Variants in CCDC178 observed in about 807,000 individuals in gnomAD.
CCDC178 encodes coiled-coil domain containing 178.
CCDC178 carries 126 observed loss-of-function variants against 117.4 expected under a neutral mutation model. That is an observed-to-expected ratio of 1.07 (90% CI 0.93 to 1.24). The LOEUF is 1.24. Ranked by LOEUF, CCDC178 falls within the 50% of genes most tolerant of loss-of-function variation. The pLI is 0.00. For synonymous variants in CCDC178, 283 were observed against 313.4 expected (o/e 0.90, Z 1.02); for missense variants, 1,030 against 986.9 (o/e 1.04, Z -0.59).
chr18:32,971,807 C>T (rs967881092), intron 22 of CCDC178, among the ~76,000 whole-genome samples: 7 of 151,994 alleles, frequency 4.6e-5, no homozygotes, highest in African/African-American at 1.4e-4. Flanking sequence ...GTTTGTTAAC[C>T]GCATAAATGT....
intron 4 of CCDC178, among the ~76,000 whole-genome samples, chr18:33,392,079 G>A (rs997361074): frequency 2.6e-5 from 4 of 151,800 alleles, no homozygotes; most frequent in Non-Finnish European, 5.9e-5. Flanking sequence ...TGGCAAGGCT[G>A]GTCTCGAACT....
chr18:32,942,043 G>C (rs761997657), intron 22 of CCDC178, among the ~76,000 whole-genome samples: 71 of 152,056 alleles, frequency 4.7e-4, no homozygotes, highest in Non-Finnish European at 7.2e-4. Flanking sequence ...ATCCCACCCA[G>C]TTGATCACAT....
chr18:33,424,244 T>C (rs924260718), intron 2 of CCDC178, among the ~76,000 whole-genome samples: 9 of 152,244 alleles, frequency 5.9e-5, no homozygotes, highest in African/African-American at 2.2e-4. Flanking sequence ...ACATGTCTTT[T>C]GTAAAGAAGA....
chr18:33,036,022 T>C (rs190298466), intron 21 of CCDC178, among the ~76,000 whole-genome samples: 1 of 152,058 alleles, frequency 6.6e-6, no homozygotes, highest in Admixed American at 6.6e-5. Flanking sequence ...AGCTATTTCT[T>C]GAAAAAATAG....
chr18:32,943,672 A>G (rs2054287886), intron 22 of CCDC178, among the ~76,000 whole-genome samples: 1 of 152,230 alleles, frequency 6.6e-6, no homozygotes, highest in Non-Finnish European at 1.5e-5. Context: ...GTGGCAAAAC[A>G]TGTTGTAAAC....
rs149772658 is a variant in CCDC178 at position 33,313,348 on chromosome 18, A to T, written c.1022+10143T>A. Reference sequence around the variant, plus strand: ...GGGGCTGAGATAATTAAAAGAAATAAAGCTGACCTTATGTCAAAACAGACA... The same window carrying T: ...GGGGCTGAGATAATTAAAAGAAATATAGCTGACCTTATGTCAAAACAGACA... On this transcript the variant is annotated intron_variant, in intron 11 of 22. Transcript: ENST00000383096. 1.4e-3 allele frequency among the ~76,000 whole-genome samples: 209 copies of T among 152,304 alleles called. 1 individual carries two copies. The highest frequency in any genetic ancestry group is 4.8e-3 in the African/African-American group (200 of 41,578).
chr18:33,306,637 G>C (rs1204230811), intron 11 of CCDC178, among the ~76,000 whole-genome samples: 1 of 145,058 alleles, frequency 6.9e-6, no homozygotes, highest in African/African-American at 2.5e-5. Flanking sequence ...TATATATAAG[G>C]TTATATGTTA....
At chr18:33,135,049 T>G (rs1222327404) in intron 20 of CCDC178, among the ~76,000 whole-genome samples, 1 of 152,078 alleles carries the variant, frequency 6.6e-6, no homozygotes, top group Admixed American at 6.6e-5. Context: ...AAAATTAAAA[T>G]GCATTTTTGT....
intron 21 of CCDC178, among the ~76,000 whole-genome samples, chr18:33,051,806 A>AT (rs1255714175): frequency 1.3e-5 from 2 of 152,182 alleles, no homozygotes; most frequent in African/African-American, 4.8e-5. Context: ...TTACCAATGT[A>AT]TTTTATATAA....
chr18:33,229,701 TCTGA>T (rs1304657445), intron 15 of CCDC178, among the ~76,000 whole-genome samples: 1 of 152,180 alleles, frequency 6.6e-6, no homozygotes, highest in East Asian at 1.9e-4. Flanking sequence ...TGTAGAGCCT[TCTGA>T]CTCTCATGTG....
At chr18:33,314,077 TG>T (rs1000134983) in intron 11 of CCDC178, among the ~76,000 whole-genome samples, 3 of 147,876 alleles carry the variant, frequency 2.0e-5, no homozygotes, top group African/African-American at 7.5e-5. Flanking sequence ...GGCGGGCGCC[TG>T]TAATCCCAGC....
intron 22 of CCDC178, among the ~76,000 whole-genome samples, chr18:32,964,026 A>G (rs1473830137): frequency 1.3e-5 from 2 of 152,076 alleles, no homozygotes; most frequent in Non-Finnish European, 2.9e-5. Context: ...TTTTACCCAT[A>G]TCAATCAAAA....
chr18:33,428,605 G>A (rs369793071), intron 2 of CCDC178, among the ~76,000 whole-genome samples: 17 of 151,692 alleles, frequency 1.1e-4, no homozygotes, highest in African/African-American at 2.7e-4. Context: ...GGTGGTGCAC[G>A]CCTGTAATCC....
chr18:33,170,594 T>C (rs1280908498), intron 20 of CCDC178, among the ~76,000 whole-genome samples: 1 of 152,196 alleles, frequency 6.6e-6, no homozygotes, highest in East Asian at 1.9e-4. Flanking sequence ...TTGTGTAAAA[T>C]ATTGGTTAAT....
intron 21 of CCDC178, among the ~76,000 whole-genome samples, chr18:33,076,141 A>T (rs2057202842): frequency 6.6e-6 from 1 of 152,176 alleles, no homozygotes; most frequent in South Asian, 2.1e-4. Context: ...ATCAGAGAAA[A>T]GCCCTAAGAC....
chr18:33,022,135 T>C (rs1448090312), intron 21 of CCDC178, among the ~76,000 whole-genome samples: 1 of 152,164 alleles, frequency 6.6e-6, no homozygotes, highest in African/African-American at 2.4e-5. Flanking sequence ...TAAAGGAGGA[T>C]ATATGAAATG....
intron 20 of CCDC178, among the ~76,000 whole-genome samples, chr18:33,159,592 CTCTTA>C (rs1230247767): frequency 6.6e-6 from 1 of 152,060 alleles, no homozygotes; most frequent in African/African-American, 2.4e-5. Flanking sequence ...CTGTGCCTCT[CTCTTA>C]TAAGGACATT....
At chr18:33,162,200 G>A (rs1041173809) in intron 20 of CCDC178, among the ~76,000 whole-genome samples, 1 of 152,142 alleles carries the variant, frequency 6.6e-6, no homozygotes, top group Non-Finnish European at 1.5e-5. Flanking sequence ...GGGGAGAGGG[G>A]AGGGATAGCA....
chr18:33,440,285 TGGGGACTG>T (rs1388874813), intron 1 of CCDC178, among the ~76,000 whole-genome samples: 5,698 of 18,550 alleles, frequency 0.31, 539 homozygotes, highest in East Asian at 0.44. Context: ...CCCCCGGCAG[TGGGGACTG>T]GGGGACTGGG....
Sources: gnomAD v4.1 joint callset for allele counts (sites outside exome capture counted in the v4.1 genomes callset) on GRCh38, gnomAD v4.1.1 for gene constraint, MANE v1.5 for transcripts, NCBI Gene and HGNC (gene_info 2026-07-23, HGNC 2026-07-21) for gene names.